Variants in ZNF48 observed in about 807,000 individuals in gnomAD.
ZNF48 encodes the protein zinc finger protein 48.
A neutral mutation model predicts 40.0 loss-of-function variants in ZNF48; 20 were observed. That is an observed-to-expected ratio of 0.50 (90% CI 0.35 to 0.73). ZNF48 has a LOEUF of 0.73. ZNF48 is among the 30% of genes least tolerant of loss of function. The probability of loss-of-function intolerance (pLI) is 0.01; values close to 1 mark genes in which losing one functional copy is unlikely to be tolerated. For synonymous variants in ZNF48, 298 were observed against 329.7 expected, an observed-to-expected ratio of 0.90 and a Z score of 1.04; for missense variants, 726 against 851.9, an observed-to-expected ratio of 0.85 and a Z score of 1.84.
chr16:30,382,569 TC>T lies in ZNF48; in HGVS notation c.-16+4161del. On this transcript the variant is annotated intron_variant, in intron 1 of 2. Coordinates refer to the ZNF48 transcript ENST00000528032. This position sits in a 1 kb window ranked among gnomAD's most constrained non-coding sequence, Gnocchi z 4.8. ...ACTGCACCTGCCGTCTCTCCCCACTTCCTCTGGTGGGGCAGGAAGCTGAGTG... is the reference window on the plus strand; with the variant it reads ...ACTGCACCTGCCGTCTCTCCCCACTTCTCTGGTGGGGCAGGAAGCTGAGTG... 6.3e-7 allele frequency: 1 copy of T among 1,581,376 alleles called. No individual in the cohort carries two copies. Among genetic ancestry groups the T allele is most frequent in the Non-Finnish European group, 8.6e-7 (1 of 1,163,278 alleles).
At chr16:30,388,118 G>A (rs933201630) in intron 1 of ZNF48, among the ~76,000 whole-genome samples, 1 of 151,768 alleles carries the variant, frequency 6.6e-6, no homozygotes, top group Non-Finnish European at 1.5e-5. Flanking sequence ...TTACAGGCAT[G>A]CACCACCACG....
intron 1 of ZNF48, chr16:30,380,206 A>G: frequency 2.3e-6 from 1 of 444,120 alleles, no homozygotes; most frequent in Non-Finnish European, 4.0e-6. Flanking sequence ...AATCTCAGAG[A>G]CATAGATGGT....
Position 30,399,314 on chromosome 16 carries a change from C to T in ZNF48, c.*207C>T. ...TGAGTCAGGACCTTGCCAGGACGGG[C>T]TGTACCCCTGGCTTCTAGAAGACTG... On this transcript the variant is annotated 3_prime_UTR_variant, in exon 3 of 3. Transcript: ENST00000613509. 1.9e-6 allele frequency: 1 copy of T among 531,648 alleles called. No individual in the cohort carries two copies. Among genetic ancestry groups the T allele is most frequent in the African/African-American group, 1.9e-5 (1 of 52,920 alleles). The allele number at this position is 531,648 out of a possible 1,614,324, so 32.9% of individuals were successfully genotyped here.
At chr16:30,393,684 C>T (rs567086270), upstream of ZNF48, among the ~76,000 whole-genome samples, 7 of 151,996 alleles carry the variant, frequency 4.6e-5, no homozygotes, top group Admixed American at 1.3e-4. Context: ...TGCACCTGGC[C>T]GGGTCCATAT....
chr16:30,391,073 C>T (rs1410088207), upstream of ZNF48, among the ~76,000 whole-genome samples: 1 of 152,048 alleles, frequency 6.6e-6, no homozygotes, highest in Non-Finnish European at 1.5e-5. Context: ...TCTTTCACTG[C>T]TTTCCTAATA....
Position 30,382,804 on chromosome 16 carries a change from TG to T in ZNF48, c.-16+4398del, listed in dbSNP as rs1391532441. On this transcript the variant is annotated intron_variant, in intron 1 of 2. Transcript: ENST00000528032. The surrounding 1 kb of genome is among the most constrained non-coding windows in gnomAD (Gnocchi z 4.8). ...GTAGCTCCATCATCGTGGTGAGACA[TG>T]GGGTATGTGCAGAGAGGAAGGAAGT... 6.5e-7 allele frequency: 1 copy of T among 1,534,730 alleles called. No individual in the cohort carries two copies. Among genetic ancestry groups the T allele is most frequent in the Admixed American group, 2.0e-5 (1 of 50,968 alleles).
At chr16:30,385,423 G>A (rs1305671886) in intron 1 of ZNF48, among the ~76,000 whole-genome samples, 7 of 151,130 alleles carry the variant, frequency 4.6e-5, no homozygotes, top group Non-Finnish European at 8.9e-5. Flanking sequence ...TCAGGAGATC[G>A]AGACCATCCT....
chr16:30,393,585 A>G (rs1253848428), upstream of ZNF48, among the ~76,000 whole-genome samples: 1 of 151,796 alleles, frequency 6.6e-6, no homozygotes, highest in African/African-American at 2.4e-5. Flanking sequence ...GGGTTTCACC[A>G]TGTTGGCCAG....
intron 1 of ZNF48, chr16:30,379,412 G>A (rs747691315): frequency 4.6e-5 from 73 of 1,602,644 alleles, no homozygotes; most frequent in Non-Finnish European, 5.6e-5. Flanking sequence ...CTGGCCTTAG[G>A]ACCCCTGCCT....
At chr16:30,386,747 C>T (rs1325038448) in intron 1 of ZNF48, among the ~76,000 whole-genome samples, 1 of 151,652 alleles carries the variant, frequency 6.6e-6, no homozygotes, top group Non-Finnish European at 1.5e-5. Flanking sequence ...TCACTGCAAC[C>T]TCTGCCTCCC....
At position 30,381,385 on chromosome 16, in the gene ZNF48, A is replaced by C. The variant is rs2151111445; in HGVS notation, c.-16+2975A>C. On this transcript the variant is annotated intron_variant, in intron 1 of 2. Transcript: ENST00000528032. This position sits in a 1 kb window ranked among gnomAD's most constrained non-coding sequence, Gnocchi z 4.3. The stretch of plus-strand genomic sequence containing the variant: ...AAGTAGAGGCAGCAGTGGACTCGGG[A>C]GTCCTGGATGTTCTTCCGGTTCAGG... The C allele has an allele frequency of 6.2e-7, 1 of 1,612,514 alleles. No individual in the cohort carries two copies. Among genetic ancestry groups the C allele is most frequent in the African/African-American group, 1.3e-5 (1 of 74,390 alleles).
At chr16:30,396,828 A>G (rs2049988840) in intron 2 of ZNF48, among the ~76,000 whole-genome samples, 1 of 151,034 alleles carries the variant, frequency 6.6e-6, no homozygotes, top group Non-Finnish European at 1.5e-5. Flanking sequence ...AGCTGGGACT[A>G]CAGGTGTGCA....
chr16:30,393,889 GT>G (rs922607939), upstream of ZNF48, among the ~76,000 whole-genome samples: 2 of 145,896 alleles, frequency 1.4e-5, no homozygotes, highest in Non-Finnish European at 3.0e-5. Flanking sequence ...CTAAATTTTT[GT>G]TTTTTTTTTG....
rs1335453157 is a variant in ZNF48 at position 30,397,314 on chromosome 16, C to G, written c.80-16C>G. Reference sequence around the variant, plus strand: ...AGCCAAAGGGGAGGGTCTACAACTTCCTTTTCTTTCCTCAGGTCTAGGGAG... The same window carrying G: ...AGCCAAAGGGGAGGGTCTACAACTTGCTTTTCTTTCCTCAGGTCTAGGGAG... On this transcript the variant is annotated splice_polypyrimidine_tract_variant and intron_variant, in intron 2 of 2. Transcript: ENST00000613509. The surrounding 1 kb of genome is among the most constrained non-coding windows in gnomAD (Gnocchi z 4.1). 2 of 1,596,342 alleles carry G rather than the reference C, an allele frequency of 1.3e-6. No individual in the cohort carries two copies. The highest frequency in any genetic ancestry group is 1.3e-5 in the African/African-American group (1 of 74,492).
chr16:30,398,975 G>C lies in ZNF48; in HGVS notation c.1725G>C (p.Glu575Asp). Reference protein sequence around the residue: ...HTGEKPYKCAECGKGFGDSSA... With the variant: ...HTGEKPYKCADCGKGFGDSSA... ...GGGAGAAGCCATACAAGTGTGCAGA[G>C]TGTGGCAAGGGTTTTGGTGACAGTT... is the stretch of plus-strand genomic sequence containing the variant. The change falls in exon 3 of 3, where the codon GAG becomes GAC. Residue 575 changes from glutamate to aspartate, a missense_variant. Glu to Asp is a conservative substitution (Grantham distance 45). This residue lies in a region of ZNF48 where 166 missense variants were observed against 163.6 expected (regional missense o/e 1.01). Coordinates refer to ENST00000613509, the MANE Select transcript of ZNF48 (RefSeq NM_001214909.2). The surrounding 1 kb of genome is among the most constrained non-coding windows in gnomAD (Gnocchi z 6.6). 6.2e-7 allele frequency: 1 copy of C among 1,613,936 alleles called. No individual in the cohort carries two copies. Among genetic ancestry groups the C allele is most frequent in the Non-Finnish European group, 8.5e-7 (1 of 1,179,986 alleles).
intron 1 of ZNF48, chr16:30,379,370 G>T: frequency 6.7e-7 from 1 of 1,483,656 alleles, no homozygotes; most frequent in South Asian, 1.1e-5. Context: ...CACATGTTGA[G>T]TGCGCCTGAC....
At chr16:30,391,978 C>T (rs1472110285), upstream of ZNF48, among the ~76,000 whole-genome samples, 3 of 152,158 alleles carry the variant, frequency 2.0e-5, no homozygotes, top group Non-Finnish European at 2.9e-5. Flanking sequence ...GCTGGGACTA[C>T]AGGTGTGCAC....
chr16:30,382,372 A>T lies in ZNF48; in HGVS notation c.-16+3962A>T, dbSNP rs1385179926. On this transcript the variant is annotated intron_variant, in intron 1 of 2. Coordinates refer to the ZNF48 transcript ENST00000528032. This position sits in a 1 kb window ranked among gnomAD's most constrained non-coding sequence, Gnocchi z 4.8. ...AACCCACGTACTCCTTGTCCTATGG[A>T]TGGGGGTGGACAATATGAGGCTGCT... 1 of 1,606,492 alleles carries T rather than the reference A, an allele frequency of 6.2e-7. No homozygotes were observed. The highest frequency in any genetic ancestry group is 8.5e-7 in the Non-Finnish European group (1 of 1,175,332).
rs540621846 is a variant in ZNF48, at chr16:30,386,345, A to G, written c.-16+7935A>G. 2.3e-3 allele frequency among the ~76,000 whole-genome samples: 357 copies of G among 152,240 alleles called. 4 individuals carry two copies. Among genetic ancestry groups the G allele is most frequent in the Non-Finnish European group, 4.0e-3 (273 of 68,022 alleles). On this transcript the variant is annotated intron_variant, in intron 1 of 2. Coordinates refer to the ZNF48 transcript ENST00000528032. ...TATTGTACAACCAACACATGTTTTC[A>G]TAGAAAAATTATAAAATGCAATTGA...
Sources: allele counts gnomAD v4.1 joint callset (sites outside exome capture counted in the v4.1 genomes callset), GRCh38; gene constraint gnomAD v4.1.1; regional missense constraint gnomAD v4.1.1; non-coding constraint Gnocchi (gnomAD v3.1); transcripts MANE v1.5; gene names NCBI Gene and HGNC (gene_info 2026-07-23, HGNC 2026-07-21).